Variants in TMEM272 observed in about 807,000 individuals in gnomAD.
TMEM272 encodes transmembrane protein 272.
In TMEM272, 8 loss-of-function variants were observed where a neutral mutation model predicts 3.7. The ratio of observed to expected loss-of-function variants is 2.17; its 90% confidence interval spans 1.27 to 3.91. TMEM272 has a LOEUF of 3.91. Ranked by LOEUF, TMEM272 falls within the 30% of genes most tolerant of loss-of-function variation. The pLI is 0.00. For missense variants in TMEM272, 166 were observed against 91.5 expected (o/e 1.81, Z -3.32); for synonymous variants, 63 against 39.8 (o/e 1.58, Z -2.20).
At chr13:51,820,505 T>C (rs1956069663) in intron 4 of TMEM272, among the ~76,000 whole-genome samples, 1 of 152,222 alleles carries the variant, frequency 6.6e-6, no homozygotes, top group Non-Finnish European at 1.5e-5. Context: ...TGCTGCTTAT[T>C]AGGGCCTTAG....
At chr13:51,932,782 T>C in the TMEM272 span, 2 of 152,260 alleles carry the variant, frequency 1.3e-5, no homozygotes, top group African/African-American at 4.8e-5. Context: ...AAGGTTATTT[T>C]CTATAAAATT....
chr13:51,886,101 C>T, the TMEM272 span, among the ~76,000 whole-genome samples: 2 of 152,152 alleles, frequency 1.3e-5, no homozygotes, highest in Non-Finnish European at 2.9e-5. Context: ...CATCATTCTC[C>T]TTTATTTGTG....
chr13:51,825,098 G>C (rs1295700942), intron 3 of TMEM272, among the ~76,000 whole-genome samples: 1 of 152,172 alleles, frequency 6.6e-6, no homozygotes, highest in East Asian at 1.9e-4. Flanking sequence ...ACTCTTCTTG[G>C]AAGAACAGAG....
At position 51,821,959 on chromosome 13, in the gene TMEM272, C is replaced by A. The variant is rs1478211661; in HGVS notation, c.201+96G>T. On this transcript the variant is annotated intron_variant, in intron 4 of 4. Coordinates refer to ENST00000629372, the MANE Select transcript of TMEM272 (RefSeq NM_001351003.2). ...CACGCTTAGGGGGAAGTTGTTTTGTCTCCCCTGTGAATAGCAGGCAAATAA... is the reference window on the plus strand; with the variant it reads ...CACGCTTAGGGGGAAGTTGTTTTGTATCCCCTGTGAATAGCAGGCAAATAA... The A allele has an allele frequency of 1.3e-5, 9 of 697,516 alleles. No homozygotes were observed. The Admixed American group carries it at 1.8e-4, about 14-fold the overall frequency. The allele number at this position is 697,516 out of a possible 1,614,324, so 43.2% of individuals were successfully genotyped here. A position where few individuals can be genotyped will look rare whatever the true frequency, so the allele number is the denominator to read the frequency against.
the TMEM272 span, among the ~76,000 whole-genome samples, chr13:51,926,960 TG>T: frequency 6.6e-6 from 1 of 152,160 alleles, no homozygotes. Context: ...AACTAGAGAT[TG>T]GTGGAGCTTT....
chr13:51,866,814 T>C, the TMEM272 span, among the ~76,000 whole-genome samples: 3 of 152,186 alleles, frequency 2.0e-5, no homozygotes, highest in Non-Finnish European at 2.9e-5. Context: ...ATGGGCATGC[T>C]CCCTGTCCCT....
At chr13:51,819,009 T>C (rs1265908153) in intron 4 of TMEM272, among the ~76,000 whole-genome samples, 1 of 152,188 alleles carries the variant, frequency 6.6e-6, no homozygotes, top group Non-Finnish European at 1.5e-5. Flanking sequence ...GGAAATTAAA[T>C]TGGAGGGTTC....
the TMEM272 span, among the ~76,000 whole-genome samples, chr13:51,922,766 GC>G: frequency 3.3e-4 from 51 of 152,304 alleles, no homozygotes; most frequent in African/African-American, 1.2e-3. Context: ...TCTATTCCTC[GC>G]CTCTTCCAGC....
chr13:51,877,969 G>C, the TMEM272 span, among the ~76,000 whole-genome samples: 1 of 152,100 alleles, frequency 6.6e-6, no homozygotes, highest in Non-Finnish European at 1.5e-5. Context: ...GAAGAAATAC[G>C]TGAGACTGGA....
chr13:51,881,053 T>C, the TMEM272 span, among the ~76,000 whole-genome samples: 237 of 152,306 alleles, frequency 1.6e-3, no homozygotes, highest in African/African-American at 5.0e-3. Context: ...TGCCATTGCA[T>C]AGCCAGAGTA....
the TMEM272 span, among the ~76,000 whole-genome samples, chr13:51,856,272 A>C: frequency 6.6e-6 from 1 of 152,238 alleles, no homozygotes; most frequent in Admixed American, 6.5e-5. Context: ...TAGGTTCTAC[A>C]GTAGTGATGT....
chr13:51,859,414 T>C, the TMEM272 span, among the ~76,000 whole-genome samples: 1 of 151,712 alleles, frequency 6.6e-6, no homozygotes, highest in African/African-American at 2.4e-5. Context: ...TTTGAGGCTC[T>C]CACAAGAAGG....
chr13:51,829,051 G>C (rs1956150567), intron 2 of TMEM272, among the ~76,000 whole-genome samples: 1 of 152,224 alleles, frequency 6.6e-6, no homozygotes, highest in Non-Finnish European at 1.5e-5. Flanking sequence ...AATGTGGGTA[G>C]AATACACCCA....
intron 1 of TMEM272, among the ~76,000 whole-genome samples, chr13:51,844,536 T>C (rs2139594968): frequency 6.6e-6 from 1 of 152,334 alleles, no homozygotes; most frequent in East Asian, 1.9e-4. Flanking sequence ...GTGGAGGTTA[T>C]CGCATACCTA....
rs1363998983 is a variant in TMEM272, at chr13:51,816,814, G to A, written c.501C>T (p.Leu167=). The A allele has an allele frequency of 4.3e-6, 3 of 702,924 alleles. No individual in the cohort carries two copies. The highest frequency in any genetic ancestry group is 2.7e-5 in the East Asian group (1 of 37,300). The allele number at this position is 702,924 out of a possible 1,614,324, so 43.5% of individuals were successfully genotyped here. The stretch of plus-strand genomic sequence containing the variant: ...GGTAGACACAGCCGCTGCACAGCAG[G>A]AGCAAGACCAGCACAGTGTGACTGA... The part of the protein sequence containing the change: ...LALSHTVLVL[L]LLCSGCVYLC... The change falls in exon 5 of 5, where the codon CTC becomes CTT. Residue 167 remains leucine, a synonymous_variant. Coordinates refer to ENST00000629372, the MANE Select transcript of TMEM272 (RefSeq NM_001351003.2).
chr13:51,904,315 A>T, the TMEM272 span, among the ~76,000 whole-genome samples: 1 of 152,238 alleles, frequency 6.6e-6, no homozygotes, highest in Non-Finnish European at 1.5e-5. Context: ...GAATTCAGGT[A>T]GCACTGGGCT....
the TMEM272 span, among the ~76,000 whole-genome samples, chr13:51,870,245 T>C: frequency 6.6e-6 from 1 of 151,934 alleles, no homozygotes; most frequent in Non-Finnish European, 1.5e-5. Context: ...TATATAAAAG[T>C]TCTTTGGTTT....
the TMEM272 span, among the ~76,000 whole-genome samples, chr13:51,875,600 C>T: frequency 6.6e-6 from 1 of 152,198 alleles, no homozygotes; most frequent in African/African-American, 2.4e-5. Flanking sequence ...TCTCCAGACC[C>T]ACTGGAGGGT....
At chr13:51,852,759 A>G in the TMEM272 span, among the ~76,000 whole-genome samples, 3 of 152,018 alleles carry the variant, frequency 2.0e-5, no homozygotes, top group Non-Finnish European at 4.4e-5. Flanking sequence ...GGCTTCTGTA[A>G]TCCCAGCTAC....
Sources: gnomAD v4.1 joint callset for allele counts (sites outside exome capture counted in the v4.1 genomes callset) on GRCh38, gnomAD v4.1.1 for gene constraint, MANE v1.5 for transcripts, NCBI Gene and HGNC (gene_info 2026-07-23, HGNC 2026-07-21) for gene names.